The following ABHD2 variants were observed in gnomAD, a reference collection of about 807,000 sequenced individuals.
ABHD2 encodes abhydrolase domain containing 2, acylglycerol lipase.
ABHD2 carries 20 observed loss-of-function variants against 48.1 expected under a neutral mutation model. The observed-to-expected ratio is 0.42, with a 90% CI of 0.29 to 0.60. The LOEUF is 0.60. Among genes scored for constraint, ABHD2 ranks in the 20% least tolerant of loss-of-function variants. The probability of loss-of-function intolerance (pLI) is 0.24; values close to 1 mark genes in which losing one functional copy is unlikely to be tolerated. For missense variants in ABHD2, 405 were observed against 550.9 expected (o/e 0.74, Z 2.65); for synonymous variants, 209 against 214.2 (o/e 0.98, Z 0.21).
At chr15:89,170,080 C>CATTT (rs2050898372) in intron 5 of ABHD2, among the ~76,000 whole-genome samples, 1 of 37,484 alleles carries the variant, frequency 2.7e-5, no homozygotes, top group Non-Finnish European at 5.4e-5. Flanking sequence ...AGATCAGATT[C>CATTT]TTTTTTTTTT....
At chr15:89,122,429 T>C (rs1305030519) in intron 3 of ABHD2, among the ~76,000 whole-genome samples, 4 of 152,220 alleles carry the variant, frequency 2.6e-5, no homozygotes, top group Non-Finnish European at 5.9e-5. Context: ...AAGTGAACGA[T>C]GTTCTCATTT....
intron 3 of ABHD2, among the ~76,000 whole-genome samples, chr15:89,149,241 A>ACACT (rs1372978469): frequency 6.8e-6 from 1 of 146,010 alleles, no homozygotes; most frequent in African/African-American, 2.5e-5. Context: ...ACACACACAC[A>ACACT]CTCACACTGA....
At chr15:89,042,477 C>A in the ABHD2 span, among the ~76,000 whole-genome samples, 1 of 152,106 alleles carries the variant, frequency 6.6e-6, no homozygotes, top group Admixed American at 6.6e-5. Flanking sequence ...TCTTCTAAAT[C>A]CTTACACCGA....
At chr15:89,079,461 GGCAAAATAAACCTCTACA>G in the ABHD2 span, among the ~76,000 whole-genome samples, 3 of 17,256 alleles carry the variant, frequency 1.7e-4, no homozygotes, top group Admixed American at 2.8e-4. This position sits in a 1 kb window ranked among gnomAD's most constrained non-coding sequence, Gnocchi z 4.3. Context: ...ACTTCTACAT[GGCAAAATAAACCTCTACA>G]TGGCAAAATA....
chr15:89,201,783 G>A lies in ABHD2; in HGVS notation c.*6360G>A. On this transcript the variant is annotated 3_prime_UTR_variant, in exon 11 of 11. Coordinates refer to ENST00000352732, the MANE Select transcript of ABHD2 (RefSeq NM_152924.5). ...CAGGATCTGCTCGTGCTTCGCCGTG[G>A]CCCCGGAGGCAGACGCCATTGGAGA... is the stretch of plus-strand genomic sequence containing the variant. 1 of 1,463,368 alleles carries A rather than the reference G, an allele frequency of 6.8e-7. No individual in the cohort carries two copies. The allele number at this position is 1,463,368 out of a possible 1,614,324, so 90.6% of individuals were successfully genotyped here.
chr15:89,162,375 A>G (rs887529249), intron 5 of ABHD2, among the ~76,000 whole-genome samples: 33 of 151,952 alleles, frequency 2.2e-4, no homozygotes, highest in African/African-American at 7.7e-4. Flanking sequence ...CCACTTTTCG[A>G]TCTCCTTCCA....
intron 3 of ABHD2, chr15:89,136,604 A>G (rs914811684): frequency 3.9e-5 from 7 of 181,620 alleles, no homozygotes; most frequent in African/African-American, 1.7e-4. Flanking sequence ...TGGCTGTGAT[A>G]TCGGGAGCCA....
Position 89,151,902 on chromosome 15 carries a change from C to T in ABHD2, c.370+50C>T. The T allele has an allele frequency of 1.3e-6, 2 of 1,594,054 alleles. No homozygotes were observed. The highest frequency in any genetic ancestry group is 1.7e-6 in the Non-Finnish European group (2 of 1,168,976). ...TGAGCCATCACTCAGAGAAGGAGCA[C>T]TAGTCAGTGGAGAGCACAGCAGTGT... is the stretch of plus-strand genomic sequence containing the variant. On this transcript the variant is annotated intron_variant, in intron 4 of 10. Transcript: ENST00000352732. This position sits in a 1 kb window ranked among gnomAD's most constrained non-coding sequence, Gnocchi z 4.7.
In ABHD2 at chr15:89,200,729, GAA is replaced by G. The variant is rs375688536; in HGVS notation, c.*5315_*5316del. ...AGGTAAACAAATCTTCTGGTCAAGA[GAA>G]AAAAAAAAGAAATAGCACTCTGCAT... On this transcript the variant is annotated 3_prime_UTR_variant, in exon 11 of 11. Transcript: ENST00000352732. The G allele has an allele frequency of 9.1e-6, 2 of 220,454 alleles. No homozygotes were observed. Among genetic ancestry groups the G allele is most frequent in the East Asian group, 1.1e-4 (1 of 8,988 alleles). The allele number at this position is 220,454 out of a possible 1,614,324, so 13.7% of individuals were successfully genotyped here. A position where few individuals can be genotyped will look rare whatever the true frequency, so the allele number is the denominator to read the frequency against.
intron 1 of ABHD2, among the ~76,000 whole-genome samples, chr15:89,101,914 C>T (rs915931985): frequency 1.3e-5 from 2 of 152,190 alleles, no homozygotes; most frequent in Non-Finnish European, 2.9e-5. Context: ...CAAGTAAATG[C>T]TTCTCACACC....
In ABHD2 at chr15:89,185,383, C is replaced by G. The variant is rs1405188248; in HGVS notation, c.723-41C>G. 6.4e-7 allele frequency: 1 copy of G among 1,572,920 alleles called. No individual in the cohort carries two copies. The highest frequency in any genetic ancestry group is 1.3e-5 in the African/African-American group (1 of 74,110). ...CCCCCTCCTGGCTGCCCGCCTGCACCCCCACACCGCAGTCACCCTCACTCG... is the reference window on the plus strand; with the variant it reads ...CCCCCTCCTGGCTGCCCGCCTGCACGCCCACACCGCAGTCACCCTCACTCG... On this transcript the variant is annotated intron_variant, in intron 6 of 10. Transcript: ENST00000352732. This position sits in a 1 kb window ranked among gnomAD's most constrained non-coding sequence, Gnocchi z 5.9.
the ABHD2 span, among the ~76,000 whole-genome samples, chr15:89,068,754 CTTTTTTTTTTTTTTTT>C: frequency 8.4e-5 from 6 of 71,390 alleles, no homozygotes; most frequent in East Asian, 1.7e-3. Flanking sequence ...CAAGCTTCCT[CTTTTTTTTTTTTTTTT>C]TTTTTTTTTT....
Position 89,201,842 on chromosome 15 carries a change from G to T in ABHD2, c.*6419G>T. ...AGAGCAGGGGGCGGCTTGCTCGCTG[G>T]GGGCGGGGGACGATGGCGAGAGGGG... On this transcript the variant is annotated 3_prime_UTR_variant, in exon 11 of 11. Transcript: ENST00000352732. 1 of 1,043,776 alleles carries T rather than the reference G, an allele frequency of 9.6e-7. No individual in the cohort carries two copies. Among genetic ancestry groups the T allele is most frequent in the Non-Finnish European group, 1.5e-6 (1 of 685,664 alleles). 64.7% of individuals were successfully genotyped at this position (1,043,776 alleles called of 1,614,324 possible).
intron 3 of ABHD2, among the ~76,000 whole-genome samples, chr15:89,121,067 T>C (rs1467069520): frequency 6.6e-6 from 1 of 152,242 alleles, no homozygotes; most frequent in Admixed American, 6.5e-5. Context: ...TTCAGAATTC[T>C]GTCATTCATT....
chr15:89,109,484 C>T (rs561083531), intron 1 of ABHD2, among the ~76,000 whole-genome samples: 5 of 151,996 alleles, frequency 3.3e-5, no homozygotes, highest in South Asian at 2.1e-4. Context: ...GGTAGGGAGA[C>T]GCTTCCTTTC....
chr15:89,119,276 T>C (rs1567075732), intron 3 of ABHD2, among the ~76,000 whole-genome samples: 1 of 152,224 alleles, frequency 6.6e-6, no homozygotes, highest in African/African-American at 2.4e-5. Context: ...AGCTAAATTC[T>C]AAACACCCGA....
At chr15:89,141,650 G>A (rs1654861302) in intron 3 of ABHD2, among the ~76,000 whole-genome samples, 1 of 152,144 alleles carries the variant, frequency 6.6e-6, no homozygotes, top group African/African-American at 2.4e-5. Context: ...CAGGAAGAGG[G>A]GAAGAGGGAG....
At chr15:89,144,268 G>A (rs2050455539) in intron 3 of ABHD2, among the ~76,000 whole-genome samples, 2 of 152,084 alleles carry the variant, frequency 1.3e-5, no homozygotes. Flanking sequence ...CGAGTAGCTG[G>A]AATTACAGGT....
chr15:89,053,188 A>G, the ABHD2 span, among the ~76,000 whole-genome samples: 1 of 151,830 alleles, frequency 6.6e-6, no homozygotes. Context: ...GGATGGTCTC[A>G]ATCTCCTGAC....
Sources: allele counts gnomAD v4.1 joint callset (sites outside exome capture counted in the v4.1 genomes callset), GRCh38; gene constraint gnomAD v4.1.1; non-coding constraint Gnocchi (gnomAD v3.1); transcripts MANE v1.5; gene names NCBI Gene and HGNC (gene_info 2026-07-23, HGNC 2026-07-21).